ST3GAL3: variants seen among roughly 807,000 people sequenced by gnomAD.
ST3GAL3 encodes ST3 beta-galactoside alpha-2,3-sialyltransferase 3, also known as CMP-N-acetylneuraminate-beta-1,4-galactoside alpha-2,3-sialyltransferase.
In ST3GAL3, 21 loss-of-function variants were observed where a neutral mutation model predicts 50.1. The ratio of observed to expected loss-of-function variants is 0.42; its 90% CI spans 0.30 to 0.60. The LOEUF (loss-of-function observed/expected upper bound fraction) is 0.60, where lower values mean the gene tolerates loss of function less well. Ranked by LOEUF, ST3GAL3 falls within the 20% of genes least tolerant of loss-of-function variation. The probability of loss-of-function intolerance (pLI) is 0.19; values close to 1 mark genes in which losing one functional copy is unlikely to be tolerated. For missense variants in ST3GAL3, 353 were observed against 489.4 expected (o/e 0.72, Z 2.63); for synonymous variants, 183 against 190.0 (o/e 0.96, Z 0.30).
In ST3GAL3 at chr1:43,851,795, C is replaced by T. The variant is rs114034825; in HGVS notation, c.302+13484C>T. 3.6e-3 allele frequency among the ~76,000 whole-genome samples: 542 copies of T among 152,222 alleles called. 7 individuals are homozygous for T. Among genetic ancestry groups the T allele is most frequent in the African/African-American group, 0.012 (491 of 41,528 alleles). ...CATGTGCCTAGCCTCAGTCCCACGC[C>T]GCCACCAGTGCCACCAGAGTCCCAG... On this transcript the variant is annotated intron_variant, in intron 5 of 11. Coordinates refer to ENST00000347631, the MANE Select transcript of ST3GAL3 (RefSeq NM_006279.5).
chr1:43,759,993 A>T (rs1056870864), intron 2 of ST3GAL3, among the ~76,000 whole-genome samples: 12 of 152,210 alleles, frequency 7.9e-5, no homozygotes, highest in African/African-American at 2.9e-4. Flanking sequence ...CGCATAAAAC[A>T]CTACCACTGC....
chr1:43,907,403 AC>A (rs2079983252), intron 9 of ST3GAL3, among the ~76,000 whole-genome samples: 2 of 152,192 alleles, frequency 1.3e-5, no homozygotes, highest in Admixed American at 1.3e-4. Context: ...CAAGGTGGTA[AC>A]ACATGGTGTC....
chr1:43,758,214 A>C (rs527651303), intron 2 of ST3GAL3, among the ~76,000 whole-genome samples: 3 of 144,486 alleles, frequency 2.1e-5, no homozygotes, highest in African/African-American at 7.4e-5. Context: ...TTGGCATTAT[A>C]AAAACAGAAG....
intron 1 of ST3GAL3, among the ~76,000 whole-genome samples, chr1:43,710,026 C>G (rs1663827951): frequency 6.6e-6 from 1 of 152,012 alleles, no homozygotes; most frequent in Non-Finnish European, 1.5e-5. Context: ...TTTTTTTCTC[C>G]CCGTGTTTTT....
chr1:43,838,591 G>T lies in ST3GAL3; in HGVS notation c.302+280G>T, dbSNP rs1290642007. On this transcript the variant is annotated intron_variant, in intron 5 of 11. Coordinates refer to ENST00000347631, the MANE Select transcript of ST3GAL3 (RefSeq NM_006279.5). ...CCGCATGCAAGCCAGGTATCCAGAG[G>T]CAGCCAGAGAAGGCTGCCAAGCACA... The T allele has an allele frequency of 9.8e-6, 4 of 408,006 alleles. No homozygotes were observed. The Admixed American group carries it at 1.1e-4, about 11-fold the overall frequency. The allele number at this position is 408,006 out of a possible 1,614,324, so 25.3% of individuals were successfully genotyped here.
intron 5 of ST3GAL3, among the ~76,000 whole-genome samples, chr1:43,876,941 G>T (rs894005410): frequency 6.6e-6 from 1 of 152,176 alleles, no homozygotes; most frequent in African/African-American, 2.4e-5. Context: ...ACCTCAGCTC[G>T]CCCAGGAGGC....
chr1:43,898,028 G>A (rs961637703), intron 6 of ST3GAL3, among the ~76,000 whole-genome samples: 1 of 152,172 alleles, frequency 6.6e-6, no homozygotes, highest in Non-Finnish European at 1.5e-5. Flanking sequence ...TCCCGGCAGT[G>A]ATATGCCTGT....
At chr1:43,903,151 G>A (rs1394489379) in intron 9 of ST3GAL3, among the ~76,000 whole-genome samples, 5 of 152,206 alleles carry the variant, frequency 3.3e-5, no homozygotes, top group Non-Finnish European at 7.4e-5. Context: ...GAAACTGGAG[G>A]TGTGCTGTGT....
intron 2 of ST3GAL3, among the ~76,000 whole-genome samples, chr1:43,749,654 G>T (rs922571628): frequency 3.9e-5 from 6 of 152,180 alleles, no homozygotes; most frequent in Non-Finnish European, 8.8e-5. Flanking sequence ...AATTACAAAT[G>T]ACTGATAAGC....
intron 5 of ST3GAL3, among the ~76,000 whole-genome samples, chr1:43,878,098 C>T (rs749148974): frequency 9.9e-5 from 15 of 152,124 alleles, no homozygotes; most frequent in Non-Finnish European, 1.8e-4. Flanking sequence ...AGGTCATATC[C>T]GTCTCTCGCC....
At chr1:43,801,242 A>G (rs2059280615) in intron 3 of ST3GAL3, 1 of 456,216 alleles carries the variant, frequency 2.2e-6, no homozygotes, top group South Asian at 1.5e-5. Flanking sequence ...TGTGGTTGTC[A>G]TCAGTAGCAG....
intron 2 of ST3GAL3, chr1:43,743,768 A>T: frequency 4.7e-6 from 1 of 214,658 alleles, no homozygotes; most frequent in South Asian, 7.2e-5. Context: ...GCAACAATAC[A>T]TTCTCAGTTA....
Position 43,824,737 on chromosome 1 carries a change from G to A in ST3GAL3, c.209+9804G>A, listed in dbSNP as rs116390403. ...CCAAATTCCCACTTTGCAGCTCACC[G>A]AGGACTCTCTGCACGGTGGTTTTTG... On this transcript the variant is annotated intron_variant, in intron 4 of 11. Transcript: ENST00000347631. 1.3e-5 allele frequency: 21 copies of A among 1,613,936 alleles called. No individual in the cohort carries two copies. In the South Asian group the frequency reaches 1.5e-4, roughly 12 times the overall value.
intron 4 of ST3GAL3, among the ~76,000 whole-genome samples, chr1:43,822,430 G>A (rs1398125510): frequency 6.6e-6 from 1 of 152,210 alleles, no homozygotes; most frequent in Non-Finnish European, 1.5e-5. Context: ...GTGGGCAAGA[G>A]CATGGGGACT....
At chr1:43,873,998 A>G (rs2073574212) in intron 5 of ST3GAL3, among the ~76,000 whole-genome samples, 1 of 151,966 alleles carries the variant, frequency 6.6e-6, no homozygotes, top group South Asian at 2.1e-4. Context: ...TGCAGAAAGG[A>G]ATGAGAAAGA....
At chr1:43,767,821 A>G (rs1693655216) in intron 2 of ST3GAL3, among the ~76,000 whole-genome samples, 1 of 80,802 alleles carries the variant, frequency 1.2e-5, no homozygotes, top group Non-Finnish European at 3.1e-5. Context: ...CTTAAAGTAT[A>G]ATTAAAAAAA....
intron 9 of ST3GAL3, among the ~76,000 whole-genome samples, chr1:43,914,913 G>A (rs76371137): frequency 0.026 from 3,884 of 152,212 alleles, 72 homozygotes; most frequent in Middle Eastern, 0.048. Flanking sequence ...TATGCCTAAG[G>A]TCTTGGCCAT....
chr1:43,790,851 T>G (rs12044961), intron 2 of ST3GAL3, among the ~76,000 whole-genome samples: 28,452 of 151,716 alleles, frequency 0.19, 3,360 homozygotes, highest in African/African-American at 0.31. Flanking sequence ...TTGACCAGGA[T>G]GGTCTCGATC....
intron 1 of ST3GAL3, among the ~76,000 whole-genome samples, chr1:43,732,588 T>C (rs769073524): frequency 5.3e-5 from 8 of 152,206 alleles, no homozygotes; most frequent in Non-Finnish European, 8.8e-5. Context: ...AAAAATCCTG[T>C]CATTAAACTG....
Sources: allele counts gnomAD v4.1 joint callset (sites outside exome capture counted in the v4.1 genomes callset), GRCh38; gene constraint gnomAD v4.1.1; transcripts MANE v1.5; gene names NCBI Gene and HGNC (gene_info 2026-07-23, HGNC 2026-07-21).